CAMK1D: variants seen among roughly 807,000 people sequenced by gnomAD.
CAMK1D encodes the protein calcium/calmodulin-dependent protein kinase type 1D.
A neutral mutation model predicts 47.7 loss-of-function variants in CAMK1D; 9 were observed. The ratio of observed to expected loss-of-function variants is 0.19; its 90% confidence interval spans 0.11 to 0.33. The LOEUF (loss-of-function observed/expected upper bound fraction) is 0.33, where lower values mean the gene tolerates loss of function less well. Ranked by LOEUF, CAMK1D falls within the 10% of genes least tolerant of loss-of-function variation. The pLI, the probability that CAMK1D is intolerant of heterozygous loss-of-function variation, is 1.00. For missense variants in CAMK1D, 291 were observed against 488.7 expected, an observed-to-expected ratio of 0.60 and a Z score of 3.81; for synonymous variants, 184 against 184.9, an observed-to-expected ratio of 0.99 and a Z score of 0.04.
At chr10:12,553,697 C>T (rs553292469) in intron 2 of CAMK1D, among the ~76,000 whole-genome samples, 2 of 152,314 alleles carry the variant, frequency 1.3e-5, no homozygotes, top group African/African-American at 2.4e-5. Flanking sequence ...CGGCGTCTCC[C>T]TGGCAGGGTG....
chr10:12,361,288 C>T (rs1324297426), intron 1 of CAMK1D, among the ~76,000 whole-genome samples: 9 of 147,504 alleles, frequency 6.1e-5, no homozygotes, highest in Non-Finnish European at 4.5e-5. Flanking sequence ...GCTCTGTCAC[C>T]CAGGCAGGAG....
chr10:12,492,981 G>A (rs1437123190), intron 1 of CAMK1D, among the ~76,000 whole-genome samples: 3 of 152,208 alleles, frequency 2.0e-5, no homozygotes, highest in Admixed American at 2.0e-4. Flanking sequence ...CTCCGCTCCT[G>A]TGCTTCACAG....
intron 2 of CAMK1D, among the ~76,000 whole-genome samples, chr10:12,565,356 T>G (rs1588638462): frequency 6.6e-6 from 1 of 152,034 alleles, no homozygotes; most frequent in Admixed American, 6.6e-5. Context: ...TTCAAGCAAT[T>G]GATTCTCCTG....
chr10:12,524,204 A>ATTTTTTGTATT (rs1564390693), intron 1 of CAMK1D, among the ~76,000 whole-genome samples: 1 of 151,720 alleles, frequency 6.6e-6, no homozygotes, highest in Non-Finnish European at 1.5e-5. Context: ...TGAGATCGTA[A>ATTTTTTGTATT]TCCGCCCATC....
At chr10:12,656,366 C>A (rs1840115144) in intron 2 of CAMK1D, among the ~76,000 whole-genome samples, 1 of 152,130 alleles carries the variant, frequency 6.6e-6, no homozygotes, top group African/African-American at 2.4e-5. Flanking sequence ...GTGGCACATG[C>A]CTGTGGTCCT....
chr10:12,362,569 C>G (rs1250606018), intron 1 of CAMK1D, among the ~76,000 whole-genome samples: 1 of 152,218 alleles, frequency 6.6e-6, no homozygotes, highest in Non-Finnish European at 1.5e-5. Flanking sequence ...GCCATCTCAG[C>G]TCACTGCAAG....
In CAMK1D at chr10:12,599,878, GCAAA is replaced by G. The variant is rs371065253; in HGVS notation, c.224+46535_224+46538del. Among the ~76,000 whole-genome samples the G allele has an allele frequency of 2.6e-5, 4 of 152,170 alleles. No individual in the cohort carries two copies. In the South Asian group the frequency reaches 6.2e-4, roughly 24 times the overall value. On this transcript the variant is annotated intron_variant, in intron 2 of 10. Transcript: ENST00000619168. ...AGGATTGTTAAATGCACACATTAAG[GCAAA>G]CAAACAAACAAATAAAAAACCAACC...
intron 3 of CAMK1D, among the ~76,000 whole-genome samples, chr10:12,698,214 G>A (rs183194356): frequency 4.6e-5 from 7 of 152,274 alleles, no homozygotes; most frequent in Admixed American, 4.6e-4. Flanking sequence ...GATGTCACTT[G>A]ATGCAAAATA....
At chr10:12,823,423 A>C (rs562275247) in intron 8 of CAMK1D, among the ~76,000 whole-genome samples, 62 of 152,264 alleles carry the variant, frequency 4.1e-4, no homozygotes, top group Admixed American at 7.2e-4. Context: ...AGCAGAGCAC[A>C]GAGGCCCAGG....
chr10:12,567,775 G>C (rs1362196211), intron 2 of CAMK1D, among the ~76,000 whole-genome samples: 2 of 152,292 alleles, frequency 1.3e-5, no homozygotes, highest in Admixed American at 6.5e-5. Flanking sequence ...ACCTCTTCCA[G>C]GGCAAAGCCA....
intron 1 of CAMK1D, among the ~76,000 whole-genome samples, chr10:12,537,816 C>T (rs1836026350): frequency 6.6e-6 from 1 of 152,182 alleles, no homozygotes; most frequent in South Asian, 2.1e-4. Context: ...TTGCATTTTG[C>T]TTAAGAAGAT....
chr10:12,762,529 G>A (rs1473904157), intron 4 of CAMK1D, among the ~76,000 whole-genome samples: 1 of 152,070 alleles, frequency 6.6e-6, no homozygotes, highest in African/African-American at 2.4e-5. Flanking sequence ...TGTCTGGAGG[G>A]CTATGAAAAT....
intron 3 of CAMK1D, among the ~76,000 whole-genome samples, chr10:12,750,678 A>AATGAATGAATGAATG (rs912018414): frequency 3.0e-4 from 45 of 152,324 alleles, no homozygotes; most frequent in African/African-American, 9.9e-4. Context: ...AGAATGAATG[A>AATGAATGAATGAATG]ATGAATGAAT....
chr10:12,801,354 T>TATCTATCTATCTAATCTATCTATCTATC (rs57429397), intron 6 of CAMK1D, among the ~76,000 whole-genome samples: 1 of 66,490 alleles, frequency 1.5e-5, no homozygotes, highest in South Asian at 5.4e-4. Context: ...TCTATCTATC[T>TATCTATCTATCTAATCTATCTATCTATC]TATCTATCTA....
intron 1 of CAMK1D, among the ~76,000 whole-genome samples, chr10:12,546,712 A>G (rs112521354): frequency 0.014 from 2,053 of 151,970 alleles, 34 homozygotes; most frequent in South Asian, 0.063. Flanking sequence ...TCGCAAGGAC[A>G]GAAAACCAAA....
At chr10:12,760,719 G>C in intron 3 of CAMK1D, 1 of 487,132 alleles carries the variant, frequency 2.1e-6, no homozygotes, top group East Asian at 3.6e-5. Flanking sequence ...GGTGTGGCTG[G>C]TCCGTGGATC....
chr10:12,623,167 T>TCCTC (rs1839064792), intron 2 of CAMK1D, among the ~76,000 whole-genome samples: 1 of 2,052 alleles, frequency 4.9e-4, no homozygotes, highest in African/African-American at 1.1e-3. Context: ...CTCCTTTCTT[T>TCCTC]CCTTCCTCCC....
At chr10:12,350,055 C>A in intron 1 of CAMK1D, 145 bp downstream of exon 1, 2 of 330,736 alleles carry the variant, frequency 6.0e-6, no homozygotes, top group Middle Eastern at 1.1e-3. Context: ...GCTGCGGAGC[C>A]CCCCCGAGCG....
chr10:12,801,258 CATCT>C (rs956182083), intron 6 of CAMK1D, among the ~76,000 whole-genome samples: 12 of 147,816 alleles, frequency 8.1e-5, no homozygotes, highest in Non-Finnish European at 3.0e-5. Context: ...TCCATCCATC[CATCT>C]GTCCGTCCAT....
Sources: gnomAD v4.1 joint callset for allele counts (sites outside exome capture counted in the v4.1 genomes callset) on GRCh38, gnomAD v4.1.1 for gene constraint, MANE v1.5 for transcripts, NCBI Gene and HGNC (gene_info 2026-07-23, HGNC 2026-07-21) for gene names.